The following BMPER variants were observed in gnomAD, a reference collection of about 807,000 sequenced individuals.
BMPER encodes the protein BMP binding endothelial regulator.
Under a neutral mutation model 87.3 loss-of-function variants are expected in BMPER, and 45 were observed. The observed-to-expected ratio is 0.52, with a 90% CI of 0.41 to 0.66. The LOEUF is 0.66. Ranked by LOEUF, BMPER falls within the 30% of genes least tolerant of loss-of-function variation. The probability of loss-of-function intolerance (pLI) is 0.00; values close to 1 mark genes in which losing one functional copy is unlikely to be tolerated. For missense variants in BMPER, 784 were observed against 867.5 expected, an observed-to-expected ratio of 0.90 and a Z score of 1.21; for synonymous variants, 326 against 316.2, an observed-to-expected ratio of 1.03 and a Z score of -0.33.
chr7:33,926,923 C>T (rs570460654), intron 2 of BMPER, among the ~76,000 whole-genome samples: 1 of 152,218 alleles, frequency 6.6e-6, no homozygotes, highest in East Asian at 1.9e-4. Context: ...ATCTTTCCAG[C>T]AACTGAGATG....
chr7:34,137,370 T>A (rs943657930), intron 13 of BMPER, among the ~76,000 whole-genome samples: 2 of 152,246 alleles, frequency 1.3e-5, no homozygotes, highest in Non-Finnish European at 2.9e-5. Context: ...GGAATTCATG[T>A]CCTTCAGATA....
intron 6 of BMPER, among the ~76,000 whole-genome samples, chr7:34,043,551 A>G (rs1787885482): frequency 2.6e-5 from 4 of 152,132 alleles, no homozygotes; most frequent in Admixed American, 2.6e-4. Flanking sequence ...GGTCTCTATT[A>G]TATTGGCTTT....
intron 4 of BMPER, among the ~76,000 whole-genome samples, chr7:33,968,996 G>A (rs910732132): frequency 1.3e-5 from 2 of 152,084 alleles, no homozygotes. Context: ...ATCTTTTTGT[G>A]ATGTTATATA....
intron 9 of BMPER, among the ~76,000 whole-genome samples, chr7:34,057,523 A>G (rs1788316255): frequency 1.3e-5 from 2 of 152,148 alleles, no homozygotes; most frequent in South Asian, 4.1e-4. Flanking sequence ...TTGCCCATCA[A>G]GTGTCTGTCT....
At chr7:34,059,086 C>T (rs1010791238) in intron 10 of BMPER, among the ~76,000 whole-genome samples, 17 of 151,442 alleles carry the variant, frequency 1.1e-4, no homozygotes, top group African/African-American at 3.6e-4. Flanking sequence ...AACTGAAAGC[C>T]TCCCATAAAA....
At chr7:34,056,189 G>A (rs561889734) in intron 9 of BMPER, among the ~76,000 whole-genome samples, 1 of 152,266 alleles carries the variant, frequency 6.6e-6, no homozygotes, top group South Asian at 2.1e-4. Flanking sequence ...GCCAAATGAT[G>A]GGATCATGTG....
intron 11 of BMPER, among the ~76,000 whole-genome samples, chr7:34,077,280 A>G (rs1373576828): frequency 1.3e-5 from 2 of 152,000 alleles, no homozygotes; most frequent in African/African-American, 4.8e-5. Context: ...GCTGGGAACT[A>G]GTTGAGAAGA....
intron 2 of BMPER, among the ~76,000 whole-genome samples, chr7:33,914,926 C>T (rs1367152900): frequency 6.6e-6 from 1 of 152,156 alleles, no homozygotes; most frequent in East Asian, 1.9e-4. Context: ...AAGGAACTTT[C>T]TCATCTTCTT....
At chr7:34,100,416 G>T (rs190004681) in intron 13 of BMPER, among the ~76,000 whole-genome samples, 1 of 152,256 alleles carries the variant, frequency 6.6e-6, no homozygotes, top group African/African-American at 2.4e-5. Context: ...GAGGCAGTTG[G>T]CCCAGAGGCA....
At chr7:33,968,988 C>A (rs984950514) in intron 4 of BMPER, among the ~76,000 whole-genome samples, 2 of 152,074 alleles carry the variant, frequency 1.3e-5, no homozygotes, top group African/African-American at 4.8e-5. Flanking sequence ...AAGCATGGAT[C>A]TTTTTGTGAT....
At position 34,079,323 on chromosome 7, in the gene BMPER, C is replaced by T. The variant is rs1459940982; in HGVS notation, c.1408+137C>T. Reference sequence around the variant, plus strand: ...CCAAGGCAGAGCCAGGTTCCAACTGCGGGACTTGCCTCATCCCCACTCACA... The same window carrying T: ...CCAAGGCAGAGCCAGGTTCCAACTGTGGGACTTGCCTCATCCCCACTCACA... On this transcript the variant is annotated intron_variant, in intron 12 of 14. Coordinates refer to ENST00000649409, the MANE Select transcript of BMPER (RefSeq NM_001365308.1). 4 of 1,099,550 alleles carry T rather than the reference C, an allele frequency of 3.6e-6. No individual in the cohort carries two copies. The East Asian group carries it at 1.0e-4, about 28-fold the overall frequency. 68.1% of individuals were successfully genotyped at this position (1,099,550 alleles called of 1,614,324 possible). A position where few individuals can be genotyped will look rare whatever the true frequency, so the allele number is the denominator to read the frequency against.
intron 6 of BMPER, among the ~76,000 whole-genome samples, chr7:34,036,586 C>G (rs1318976705): frequency 6.6e-6 from 1 of 152,138 alleles, no homozygotes. Context: ...GCACCTGCTT[C>G]CACACACCAC....
intron 13 of BMPER, among the ~76,000 whole-genome samples, chr7:34,141,969 A>G (rs17826136): frequency 0.021 from 3,198 of 152,304 alleles, 55 homozygotes; most frequent in Non-Finnish European, 0.033. Context: ...CAGGTCCCAC[A>G]CCATGGGAAA....
At position 33,984,459 on chromosome 7, in the gene BMPER, C is replaced by T. The variant is rs142899108; in HGVS notation, c.576+9675C>T. Among the ~76,000 whole-genome samples the T allele has an allele frequency of 2.3e-3, 348 of 151,420 alleles. 3 individuals carry two copies. The highest frequency in any genetic ancestry group is 6.4e-3 in the African/African-American group (265 of 41,262). On this transcript the variant is annotated intron_variant, in intron 6 of 14. Transcript: ENST00000649409. Reference sequence around the variant, plus strand: ...CAGCCTGGGCAACAGAGCAAGAGTCCGTCTCAAAAAAAAAAAGTGCTTATC... The same window carrying T: ...CAGCCTGGGCAACAGAGCAAGAGTCTGTCTCAAAAAAAAAAAGTGCTTATC...
At chr7:34,141,942 C>T (rs1790885570) in intron 13 of BMPER, among the ~76,000 whole-genome samples, 1 of 152,146 alleles carries the variant, frequency 6.6e-6, no homozygotes, top group South Asian at 2.1e-4. Context: ...TGACTGCTCT[C>T]GACAATCAGT....
chr7:34,065,070 G>A (rs957443848), intron 11 of BMPER, among the ~76,000 whole-genome samples: 2 of 152,092 alleles, frequency 1.3e-5, no homozygotes, highest in African/African-American at 4.8e-5. Context: ...CAGATTTCTA[G>A]AGTAGAGAAA....
chr7:33,974,150 G>A (rs1024421955), intron 5 of BMPER, among the ~76,000 whole-genome samples: 2 of 152,154 alleles, frequency 1.3e-5, no homozygotes, highest in African/African-American at 4.8e-5. Context: ...GCTGGGGTGA[G>A]TTACTTTCCC....
intron 6 of BMPER, among the ~76,000 whole-genome samples, chr7:34,021,915 A>G (rs1787198618): frequency 6.6e-6 from 1 of 152,062 alleles, no homozygotes; most frequent in Non-Finnish European, 1.5e-5. Context: ...CCCTTCTCTC[A>G]GGGAACTTAT....
chr7:33,945,728 T>C (rs75711466), intron 3 of BMPER, among the ~76,000 whole-genome samples: 2 of 152,184 alleles, frequency 1.3e-5, no homozygotes, highest in Admixed American at 6.5e-5. Context: ...GAAGGACTTA[T>C]GTTCCCCATT....
Sources: gnomAD v4.1 joint callset for allele counts (sites outside exome capture counted in the v4.1 genomes callset) on GRCh38, gnomAD v4.1.1 for gene constraint, MANE v1.5 for transcripts, NCBI Gene and HGNC (gene_info 2026-07-23, HGNC 2026-07-21) for gene names.